SGCZ: variants seen among roughly 807,000 people sequenced by gnomAD.
The protein encoded by SGCZ is sarcoglycan zeta.
SGCZ carries 40 observed loss-of-function variants against 41.3 expected under a neutral mutation model. The ratio of observed to expected loss-of-function variants is 0.97; its 90% confidence interval spans 0.75 to 1.26. The LOEUF (loss-of-function observed/expected upper bound fraction) is 1.26, where lower values mean the gene tolerates loss of function less well. Ranked by LOEUF, SGCZ falls within the 50% of genes most tolerant of loss-of-function variation. SGCZ has a pLI of 0.00. For missense variants in SGCZ, 552 were observed against 369.8 expected, an observed-to-expected ratio of 1.49 and a Z score of -4.04; for synonymous variants, 206 against 137.5, an observed-to-expected ratio of 1.50 and a Z score of -3.49.
chr8:14,623,623 A>C (rs1806356265), intron 1 of SGCZ, among the ~76,000 whole-genome samples: 1 of 152,166 alleles, frequency 6.6e-6, no homozygotes, highest in Non-Finnish European at 1.5e-5. Flanking sequence ...TACATTTTCC[A>C]GGTTTCTTTG....
At chr8:15,056,992 C>T (rs371399431) in intron 1 of SGCZ, among the ~76,000 whole-genome samples, 1 of 152,144 alleles carries the variant, frequency 6.6e-6, no homozygotes, top group African/African-American at 2.4e-5. Context: ...TGCCAGATTG[C>T]GTGCACGAGG....
At chr8:14,386,703 C>A (rs1338925278) in intron 2 of SGCZ, among the ~76,000 whole-genome samples, 3 of 151,976 alleles carry the variant, frequency 2.0e-5, no homozygotes, top group African/African-American at 7.3e-5. Context: ...AAATGGGCTG[C>A]CAGAAGTTCA....
intron 2 of SGCZ, among the ~76,000 whole-genome samples, chr8:14,443,381 G>A (rs1165209370): frequency 6.6e-6 from 1 of 152,072 alleles, no homozygotes; most frequent in Non-Finnish European, 1.5e-5. Flanking sequence ...GGACAAAGCT[G>A]GAGGCATCAC....
chr8:14,340,310 A>T (rs925540441), intron 2 of SGCZ, among the ~76,000 whole-genome samples: 1 of 152,134 alleles, frequency 6.6e-6, no homozygotes, highest in African/African-American at 2.4e-5. Flanking sequence ...TGCTTTTCAT[A>T]CTCTAAACCA....
intron 2 of SGCZ, among the ~76,000 whole-genome samples, chr8:14,381,961 A>G (rs1042703670): frequency 6.6e-6 from 1 of 152,002 alleles, no homozygotes; most frequent in Non-Finnish European, 1.5e-5. Flanking sequence ...TTATGAGGAG[A>G]TTAGTTCCTT....
intron 2 of SGCZ, among the ~76,000 whole-genome samples, chr8:14,354,209 C>T (rs1038743812): frequency 6.6e-6 from 1 of 151,940 alleles, no homozygotes; most frequent in African/African-American, 2.4e-5. Context: ...ATTTTAGTGC[C>T]TCACACAGTG....
intron 1 of SGCZ, among the ~76,000 whole-genome samples, chr8:15,076,443 GA>G (rs1201344664): frequency 6.6e-6 from 1 of 152,036 alleles, no homozygotes; most frequent in Non-Finnish European, 1.5e-5. Context: ...ATGCAAGGAG[GA>G]AAAAACAGGA....
chr8:15,135,677 T>G (rs1194979171), intron 1 of SGCZ, among the ~76,000 whole-genome samples: 1 of 152,122 alleles, frequency 6.6e-6, no homozygotes, highest in Non-Finnish European at 1.5e-5. Context: ...AGTCAAACAG[T>G]GTTTAGACTG....
intron 1 of SGCZ, among the ~76,000 whole-genome samples, chr8:14,665,432 T>C (rs1585165693): frequency 6.6e-6 from 1 of 152,342 alleles, no homozygotes; most frequent in East Asian, 1.9e-4. Flanking sequence ...TTTGGCTTGG[T>C]TCCAAGTCTT....
intron 3 of SGCZ, among the ~76,000 whole-genome samples, chr8:14,321,094 C>G (rs1441224788): frequency 2.6e-5 from 4 of 151,988 alleles, no homozygotes; most frequent in Non-Finnish European, 5.9e-5. Flanking sequence ...AGAATGTTAT[C>G]ATCATTACCA....
intron 3 of SGCZ, among the ~76,000 whole-genome samples, chr8:14,308,638 T>A (rs1801423055): frequency 6.6e-6 from 1 of 152,030 alleles, no homozygotes; most frequent in African/African-American, 2.4e-5. Flanking sequence ...AAAACATCCA[T>A]CCAGACAATA....
At chr8:14,425,777 A>G (rs1409206292) in intron 2 of SGCZ, among the ~76,000 whole-genome samples, 4 of 152,228 alleles carry the variant, frequency 2.6e-5, no homozygotes, top group Non-Finnish European at 5.9e-5. Flanking sequence ...CTTAAGAAGT[A>G]GTAAAAGTGG....
At chr8:14,114,533 A>G (rs1413033461) in intron 5 of SGCZ, among the ~76,000 whole-genome samples, 1 of 151,976 alleles carries the variant, frequency 6.6e-6, no homozygotes. Flanking sequence ...TTCATTTGGC[A>G]TTTTTTTCAT....
At chr8:14,398,727 T>C (rs73664348) in intron 2 of SGCZ, among the ~76,000 whole-genome samples, 25,761 of 152,054 alleles carry the variant, frequency 0.17, 5,166 homozygotes, top group African/African-American at 0.48. Flanking sequence ...CATTATTTAT[T>C]GGATATGCAT....
chr8:14,676,346 ATGTGTGTG>A (rs33909996), intron 1 of SGCZ, among the ~76,000 whole-genome samples: 2 of 149,414 alleles, frequency 1.3e-5, no homozygotes, highest in East Asian at 2.0e-4. Context: ...AATGAAATAG[ATGTGTGTG>A]TGTGTGTGTG....
At chr8:14,638,558 C>G (rs1351321354) in intron 1 of SGCZ, among the ~76,000 whole-genome samples, 1 of 151,840 alleles carries the variant, frequency 6.6e-6, no homozygotes, top group African/African-American at 2.4e-5. Flanking sequence ...ATATTGTTAT[C>G]TTTACCCACT....
chr8:14,302,232 C>T (rs755973055), intron 3 of SGCZ, among the ~76,000 whole-genome samples: 13 of 152,038 alleles, frequency 8.6e-5, no homozygotes, highest in Non-Finnish European at 1.8e-4. Context: ...GAATAATATA[C>T]CCTCTAACAT....
chr8:14,713,704 A>AT (rs1554486227), intron 1 of SGCZ, among the ~76,000 whole-genome samples: 8,354 of 151,882 alleles, frequency 0.055, 790 homozygotes, highest in African/African-American at 0.19. Context: ...AGAAAAAAAA[A>AT]AAAGCTAAAG....
intron 1 of SGCZ, among the ~76,000 whole-genome samples, chr8:14,661,943 C>A (rs193045991): frequency 2.6e-5 from 4 of 151,976 alleles, no homozygotes; most frequent in Non-Finnish European, 5.9e-5. Context: ...TTTAAATACA[C>A]AAGCATTTTC....
Sources: allele counts gnomAD v4.1 joint callset (sites outside exome capture counted in the v4.1 genomes callset), GRCh38; gene constraint gnomAD v4.1.1; transcripts MANE v1.5; gene names NCBI Gene and HGNC (gene_info 2026-07-23, HGNC 2026-07-21).